The following GNA14 variants were observed in gnomAD, a reference collection of about 807,000 sequenced individuals.
GNA14 encodes the protein guanine nucleotide-binding protein subunit alpha-14.
A neutral mutation model predicts 42.0 loss-of-function variants in GNA14; 50 were observed. The observed-to-expected ratio is 1.19, with a 90% CI of 0.95 to 1.51. The LOEUF (loss-of-function observed/expected upper bound fraction) is 1.51. GNA14 is among the 40% of genes most tolerant of loss of function. GNA14 has a pLI of 0.00. For synonymous variants in GNA14, 173 were observed against 163.1 expected, an observed-to-expected ratio of 1.06 and a Z score of -0.46; for missense variants, 473 against 446.2, an observed-to-expected ratio of 1.06 and a Z score of -0.54.
rs1822747805 is a variant in GNA14 at position 77,554,916 on chromosome 9, C to G, written c.125-25663G>C. Among the ~76,000 whole-genome samples, 7 of 152,242 alleles carry G rather than the reference C, an allele frequency of 4.6e-5. 1 individual carries two copies. In the South Asian group the frequency reaches 1.5e-3, roughly 32 times the overall value. On this transcript the variant is annotated intron_variant, in intron 1 of 6. Transcript: ENST00000341700. ...TGATACTTTTCCTCCATCTGACTAG[C>G]AAAAACTAAAGTCAGATAACAAAAC...
chr9:77,488,555 C>T (rs1435310598), intron 2 of GNA14, among the ~76,000 whole-genome samples: 1 of 152,084 alleles, frequency 6.6e-6, no homozygotes, highest in Non-Finnish European at 1.5e-5. Context: ...GTAGGAGGTA[C>T]ATTCCACAGG....
At chr9:77,562,122 T>A (rs1050836916) in intron 1 of GNA14, among the ~76,000 whole-genome samples, 2 of 152,198 alleles carry the variant, frequency 1.3e-5, no homozygotes, top group Non-Finnish European at 2.9e-5. Context: ...GTAGCATGAA[T>A]GCCTTTGTAC....
chr9:77,563,360 G>A (rs1822913932), intron 1 of GNA14, among the ~76,000 whole-genome samples: 1 of 152,182 alleles, frequency 6.6e-6, no homozygotes, highest in South Asian at 2.1e-4. Flanking sequence ...ACAAATGAAT[G>A]AAGCATTCAC....
At chr9:77,605,962 A>G (rs1564064959) in intron 1 of GNA14, among the ~76,000 whole-genome samples, 1 of 152,204 alleles carries the variant, frequency 6.6e-6, no homozygotes, top group Non-Finnish European at 1.5e-5. Flanking sequence ...GTAATTCCTG[A>G]TAAGTTTCAT....
intron 1 of GNA14, among the ~76,000 whole-genome samples, chr9:77,578,693 TC>T (rs1301360633): frequency 3.3e-5 from 5 of 152,178 alleles, no homozygotes; most frequent in Non-Finnish European, 5.9e-5. Context: ...GAAACATTTA[TC>T]CCACTTAAAA....
chr9:77,571,314 G>A (rs62573425), intron 1 of GNA14, among the ~76,000 whole-genome samples: 5,274 of 152,300 alleles, frequency 0.035, 211 homozygotes, highest in African/African-American at 0.1. Context: ...CTGTGGAGGG[G>A]TTGGAGTTAA....
At chr9:77,496,238 T>C (rs757954395) in intron 2 of GNA14, among the ~76,000 whole-genome samples, 1 of 152,258 alleles carries the variant, frequency 6.6e-6, no homozygotes, top group Non-Finnish European at 1.5e-5. Context: ...GAAATTTTAA[T>C]GTAATCTGCC....
chr9:77,522,449 G>A (rs576942167), intron 2 of GNA14, among the ~76,000 whole-genome samples: 16 of 152,252 alleles, frequency 1.1e-4, no homozygotes, highest in East Asian at 1.9e-4. Context: ...AGCCCAGTTC[G>A]GCTGAACACA....
intron 1 of GNA14, among the ~76,000 whole-genome samples, chr9:77,569,805 C>T (rs986295622): frequency 4.0e-5 from 6 of 151,162 alleles, no homozygotes; most frequent in Non-Finnish European, 5.9e-5. Flanking sequence ...TTCGCTCTTT[C>T]ACCCAGGCAG....
At chr9:77,443,589 C>T (rs1038780292) in intron 2 of GNA14, among the ~76,000 whole-genome samples, 2 of 152,226 alleles carry the variant, frequency 1.3e-5, no homozygotes, top group African/African-American at 4.8e-5. Flanking sequence ...TTCCCTTCCT[C>T]TTTTCTCCAA....
rs373555513 is a variant in GNA14 at position 77,431,383 on chromosome 9, G to A, written c.531C>T (p.Arg177=). The A allele has an allele frequency of 1.8e-5, 29 of 1,613,276 alleles. No homozygotes were observed. The highest frequency in any genetic ancestry group is 1.6e-4 in the Middle Eastern group (1 of 6,082). The change falls in exon 4 of 7, where the codon CGC becomes CGT. Residue 177 remains arginine, a synonymous_variant. Transcript: ENST00000341700. ...TGATGCCGGTGGTGGGCACTCGGAC[G>A]CGAAGCACATCTTGTTGGGTAGGCA... ...SFVPTQQDVL[R]VRVPTTGIIE...
chr9:77,631,671 A>G (rs1168630258), intron 1 of GNA14, among the ~76,000 whole-genome samples: 1 of 151,716 alleles, frequency 6.6e-6, no homozygotes, highest in African/African-American at 2.4e-5. Context: ...CATAATGAGC[A>G]TGAGTTCATC....
intron 1 of GNA14, among the ~76,000 whole-genome samples, chr9:77,641,037 C>T (rs4422835): frequency 1 from 106,187 of 106,502 alleles, 52,936 homozygotes; most frequent in Middle Eastern, 1. Context: ...TAGGTATTCA[C>T]GAATTTGCAT....
At chr9:77,631,680 T>C (rs1824102691) in intron 1 of GNA14, among the ~76,000 whole-genome samples, 1 of 151,798 alleles carries the variant, frequency 6.6e-6, no homozygotes, top group Admixed American at 6.6e-5. Flanking sequence ...CATGAGTTCA[T>C]CATACATTTA....
intron 2 of GNA14, among the ~76,000 whole-genome samples, chr9:77,491,441 G>A (rs569837201): frequency 1.3e-3 from 193 of 152,234 alleles, no homozygotes; most frequent in African/African-American, 4.5e-3. Context: ...AAGACACACA[G>A]AGATGGAAAG....
intron 2 of GNA14, among the ~76,000 whole-genome samples, chr9:77,474,444 C>T (rs529080897): frequency 6.6e-6 from 1 of 152,188 alleles, no homozygotes; most frequent in Admixed American, 6.5e-5. Flanking sequence ...ATCAAAACCA[C>T]AAAGCGATAC....
At chr9:77,566,145 CTTTTTTTTTT>C (rs956489720) in intron 1 of GNA14, among the ~76,000 whole-genome samples, 4 of 102,510 alleles carry the variant, frequency 3.9e-5, no homozygotes, top group Non-Finnish European at 7.7e-5. Context: ...GGGAGTGCTT[CTTTTTTTTTT>C]TTTTTTTTTT....
intron 1 of GNA14, 28 bp downstream of exon 1, chr9:77,647,642 C>CA: frequency 6.3e-7 from 1 of 1,598,850 alleles, no homozygotes; most frequent in South Asian, 1.1e-5. Context: ...ACGCCCGGCT[C>CA]ACTGGAGTCG....
intron 1 of GNA14, among the ~76,000 whole-genome samples, chr9:77,641,101 GAAGGAAGGAAGGAAGGAAGGAAGGA>G (rs1824257524): frequency 7.9e-4 from 1 of 1,258 alleles, no homozygotes; most frequent in African/African-American, 1.8e-3. Flanking sequence ...GGAGGGGGGG[GAAGGAAGGAAGGAAGGAAGGAAGGA>G]AGGAAGGAAG....
Sources: gnomAD v4.1 joint callset for allele counts (sites outside exome capture counted in the v4.1 genomes callset) on GRCh38, gnomAD v4.1.1 for gene constraint, MANE v1.5 for transcripts, NCBI Gene and HGNC (gene_info 2026-07-23, HGNC 2026-07-21) for gene names.